The following GRIP1 variants were observed in gnomAD, a reference collection of about 807,000 sequenced individuals.
GRIP1 encodes the protein glutamate receptor interacting protein 1.
A neutral mutation model predicts 129.9 loss-of-function variants in GRIP1; 45 were observed. That is an observed-to-expected ratio of 0.35 (90% CI 0.27 to 0.44). The LOEUF (loss-of-function observed/expected upper bound fraction) is 0.44. GRIP1 is among the 20% of genes least tolerant of loss of function. The pLI is 1.00. For synonymous variants in GRIP1, 530 were observed against 520.8 expected (o/e 1.02, Z -0.24); for missense variants, 1,196 against 1,396.8 (o/e 0.86, Z 2.29).
chr12:66,383,040 T>C (rs563465217), intron 19 of GRIP1, among the ~76,000 whole-genome samples: 12 of 152,122 alleles, frequency 7.9e-5, no homozygotes, highest in Non-Finnish European at 7.4e-5. Context: ...CTCATGCCTG[T>C]AATCCCAGCA....
intron 1 of GRIP1, among the ~76,000 whole-genome samples, chr12:66,860,153 T>G (rs1294577514): frequency 1.3e-5 from 2 of 152,102 alleles, no homozygotes; most frequent in Non-Finnish European, 1.5e-5. Context: ...TAGCAGGGGC[T>G]ATAAGGATAG....
chr12:66,946,785 T>TG lies in GRIP1; in HGVS notation c.58+122264dup, dbSNP rs537292136. Among the ~76,000 whole-genome samples the TG allele has an allele frequency of 1.7e-3, 46 of 26,850 alleles. 1 individual carries two copies. The highest frequency in any genetic ancestry group is 2.0e-3 in the Admixed American group (4 of 1,956). 17.6% of individuals were successfully genotyped at this position (26,850 alleles called of 152,430 possible). A position where few individuals can be genotyped will look rare whatever the true frequency, so the allele number is the denominator to read the frequency against. On this transcript the variant is annotated intron_variant, in intron 1 of 1. Transcript: ENST00000643019. ...GGGGGTCGGGGGGTGGGGTGGGGGA[T>TG]GGGGGGGGTGTGGGGGCTGGGGGGG...
At chr12:66,826,681 A>C (rs1015583040) in intron 1 of GRIP1, among the ~76,000 whole-genome samples, 1 of 152,130 alleles carries the variant, frequency 6.6e-6, no homozygotes, top group Non-Finnish European at 1.5e-5. Context: ...CTCATGAAAA[A>C]GAAAATAAAC....
rs1442019016 is a variant in GRIP1, at chr12:66,730,713, A to AAAAAC, written c.-420+73339_-420+73340insGTTTT. ...AGAGGGTCATCTACAAAAAAAAAAA[A>AAAAAC]AAAAAAAACTCATACATGGTATTTC... On this transcript the variant is annotated intron_variant, in intron 1 of 4. Transcript: ENST00000538373. Among the ~76,000 whole-genome samples the AAAAAC allele has an allele frequency of 2.0e-5, 3 of 151,714 alleles. 1 individual carries two copies. The highest frequency in any genetic ancestry group is 6.6e-5 in the Admixed American group (1 of 15,246).
In GRIP1 at chr12:66,437,520, C is replaced by T. The variant is rs549457416; in HGVS notation, c.1688-4892G>A. Among the ~76,000 whole-genome samples, 22 of 152,274 alleles carry T rather than the reference C, an allele frequency of 1.4e-4. No homozygotes were observed. In the East Asian group the frequency reaches 4.3e-3, roughly 29 times the overall value. On this transcript the variant is annotated intron_variant, in intron 13 of 24. Transcript: ENST00000359742. ...ACAATCAAGGGCAGTGGGAGATGAACTTAACATTTCCTTTTCCTGTCCCTT... is the reference window on the plus strand; with the variant it reads ...ACAATCAAGGGCAGTGGGAGATGAATTTAACATTTCCTTTTCCTGTCCCTT...
At chr12:66,465,207 A>G in intron 8 of GRIP1, 68 bp downstream of exon 8, 1 of 1,409,598 alleles carries the variant, frequency 7.1e-7, no homozygotes, top group Non-Finnish European at 1.0e-6. Context: ...CGGCCTCCCA[A>G]AGTGTTGGGA....
intron 7 of GRIP1, among the ~76,000 whole-genome samples, chr12:66,502,891 C>G (rs955975186): frequency 7.9e-5 from 12 of 152,096 alleles, no homozygotes; most frequent in African/African-American, 2.4e-4. Flanking sequence ...TCAGACTATC[C>G]AAATTACTTC....
At chr12:66,476,909 A>G (rs1341984385) in intron 7 of GRIP1, among the ~76,000 whole-genome samples, 3 of 152,226 alleles carry the variant, frequency 2.0e-5, no homozygotes, top group South Asian at 4.1e-4. Flanking sequence ...TGATAAACCC[A>G]CAGCCAATAT....
intron 15 of GRIP1, among the ~76,000 whole-genome samples, chr12:66,420,372 C>T (rs1408573267): frequency 1.3e-5 from 2 of 151,020 alleles, no homozygotes; most frequent in African/African-American, 2.4e-5. Context: ...CACAACTTAT[C>T]ACCTCTGTTT....
chr12:66,668,477 C>T (rs57632307), intron 1 of GRIP1, among the ~76,000 whole-genome samples: 1 of 152,194 alleles, frequency 6.6e-6, no homozygotes, highest in Non-Finnish European at 1.5e-5. Context: ...CTCCAGCTGC[C>T]TGGTGCTGTT....
Position 66,837,059 on chromosome 12 carries a change from G to T in GRIP1, c.58+231991C>A, listed in dbSNP as rs1403612290. The stretch of plus-strand genomic sequence containing the variant: ...CCTAGTCTGAAATCATTTTCATTAT[G>T]CACTGAGTCATCAGGATCTGTCATT... On this transcript the variant is annotated intron_variant, in intron 1 of 1. Transcript: ENST00000643019. 5.3e-5 allele frequency among the ~76,000 whole-genome samples: 8 copies of T among 152,142 alleles called. 1 individual carries two copies. The East Asian group carries it at 1.5e-3, about 29-fold the overall frequency.
chr12:66,672,260 T>G (rs1302478995), intron 1 of GRIP1, among the ~76,000 whole-genome samples: 1 of 152,190 alleles, frequency 6.6e-6, no homozygotes, highest in African/African-American at 2.4e-5. Context: ...TAACTTATTG[T>G]ATTCTTCATA....
At chr12:66,511,002 A>T (rs1035548416) in intron 7 of GRIP1, among the ~76,000 whole-genome samples, 3 of 152,136 alleles carry the variant, frequency 2.0e-5, no homozygotes, top group African/African-American at 7.2e-5. Flanking sequence ...GAGAATACTG[A>T]TATGGTTTGG....
intron 7 of GRIP1, among the ~76,000 whole-genome samples, chr12:66,508,053 CA>C (rs2060591485): frequency 1.3e-5 from 2 of 152,090 alleles, no homozygotes; most frequent in African/African-American, 4.8e-5. Context: ...AGGAAAGTAA[CA>C]GCTAAAGGGA....
chr12:66,648,380 C>G (rs1483557472), intron 1 of GRIP1, among the ~76,000 whole-genome samples: 8 of 152,188 alleles, frequency 5.3e-5, no homozygotes, highest in Admixed American at 5.2e-4. Flanking sequence ...ACCAAATGAT[C>G]ACGAGAATAT....
intron 7 of GRIP1, among the ~76,000 whole-genome samples, chr12:66,477,090 C>G (rs1227284558): frequency 1.3e-5 from 2 of 152,114 alleles, no homozygotes; most frequent in Admixed American, 6.6e-5. Context: ...GTCAAATTGT[C>G]CCTGTTTGCA....
chr12:66,444,627 T>G lies in GRIP1; in HGVS notation c.1644A>C (p.Ser548=). The G allele has an allele frequency of 6.2e-7, 1 of 1,614,172 alleles. No individual in the cohort carries two copies. Among genetic ancestry groups the G allele is most frequent in the South Asian group, 1.1e-5 (1 of 91,088 alleles). The change falls in exon 13 of 25, where the codon TCA becomes TCC. Residue 548 remains serine (S), a synonymous_variant. Transcript: ENST00000359742. ...TTTCCAGTGTGACCTTGCTCGTGATTGAAGAGTCTCGGAGGAGCTGACTGG... is the reference window on the plus strand; with the variant it reads ...TTTCCAGTGTGACCTTGCTCGTGATGGAAGAGTCTCGGAGGAGCTGACTGG... ...EEASQLLRDS[S]ITSKVTLEIE...
chr12:66,407,045 A>C (rs1303339721), intron 15 of GRIP1, among the ~76,000 whole-genome samples: 1 of 152,238 alleles, frequency 6.6e-6, no homozygotes, highest in African/African-American at 2.4e-5. Context: ...CAACAAAAAA[A>C]ATAATGTGAA....
At position 66,976,707 on chromosome 12, in the gene GRIP1, C is replaced by A. The variant is rs566415775; in HGVS notation, c.58+92343G>T. On this transcript the variant is annotated intron_variant, in intron 1 of 1. Coordinates refer to the GRIP1 transcript ENST00000643019. ...TGAACAGCTGAGTCCATTCAACCAA[C>A]AATTGAAGCTAAATACAAAGGTTGA... Among the ~76,000 whole-genome samples the A allele has an allele frequency of 2.6e-5, 4 of 152,300 alleles. No homozygotes were observed. The South Asian group carries it at 6.2e-4, about 24-fold the overall frequency.
Sources: gnomAD v4.1 joint callset for allele counts (sites outside exome capture counted in the v4.1 genomes callset) on GRCh38, gnomAD v4.1.1 for gene constraint, MANE v1.5 for transcripts, NCBI Gene and HGNC (gene_info 2026-07-23, HGNC 2026-07-21) for gene names.